The following SPAG16 variants were observed in gnomAD, a reference collection of about 807,000 sequenced individuals.
The protein encoded by SPAG16 is sperm-associated antigen 16 protein.
Under a neutral mutation model 80.4 loss-of-function variants are expected in SPAG16, and 86 were observed. The observed-to-expected ratio is 1.07, with a 90% CI of 0.90 to 1.28. The LOEUF (loss-of-function observed/expected upper bound fraction) is 1.28. Ranked by LOEUF, SPAG16 falls within the 50% of genes most tolerant of loss-of-function variation. The pLI, the probability that SPAG16 is intolerant of heterozygous loss-of-function variation, is 0.00. For missense variants in SPAG16, 870 were observed against 765.3 expected (o/e 1.14, Z -1.61); for synonymous variants, 294 against 265.9 (o/e 1.11, Z -1.03).
intron 10 of SPAG16, among the ~76,000 whole-genome samples, chr2:213,820,920 T>C (rs1017075695): frequency 4.6e-5 from 7 of 152,136 alleles, no homozygotes; most frequent in African/African-American, 7.2e-5. Context: ...AGTTTGCCCA[T>C]TGGGCAAGGA....
At chr2:214,031,501 C>T (rs1173972417) in intron 13 of SPAG16, among the ~76,000 whole-genome samples, 19 of 136,790 alleles carry the variant, frequency 1.4e-4, no homozygotes, top group East Asian at 2.2e-4. Context: ...TGCTAAATGA[C>T]GAGTTAATGG....
rs536930266 is a variant in SPAG16 at position 214,170,053 on chromosome 2, A to G, written c.1720+20787A>G. On this transcript the variant is annotated intron_variant, in intron 15 of 15. Coordinates refer to ENST00000331683, the MANE Select transcript of SPAG16 (RefSeq NM_024532.5). ...CAGATGAAGCCATATAAATAATATA[A>G]ATTTTATACCACTTGACTCCACATG... is the stretch of plus-strand genomic sequence containing the variant. Among the ~76,000 whole-genome samples, 6 of 152,070 alleles carry G rather than the reference A, an allele frequency of 3.9e-5. No homozygotes were observed. The East Asian group carries it at 1.2e-3, about 29-fold the overall frequency.
chr2:213,588,422 G>GAAAACACT (rs759282563), intron 10 of SPAG16, among the ~76,000 whole-genome samples: 21 of 151,034 alleles, frequency 1.4e-4, no homozygotes, highest in Non-Finnish European at 2.4e-4. Flanking sequence ...TATTTTTAAG[G>GAAAACACT]AAAACACTAA....
chr2:213,319,082 G>A (rs997065276), intron 5 of SPAG16, among the ~76,000 whole-genome samples: 3 of 152,064 alleles, frequency 2.0e-5, no homozygotes, highest in Non-Finnish European at 4.4e-5. Flanking sequence ...CTGCTTATCT[G>A]AGGCAATGTT....
intron 7 of SPAG16, among the ~76,000 whole-genome samples, chr2:213,359,638 G>C (rs916746617): frequency 3.3e-5 from 5 of 152,232 alleles, no homozygotes; most frequent in African/African-American, 1.2e-4. Flanking sequence ...GAAAAGTGCA[G>C]TATTTGGACA....
intron 10 of SPAG16, among the ~76,000 whole-genome samples, chr2:213,560,304 T>C (rs891582720): frequency 4.3e-4 from 66 of 152,214 alleles, no homozygotes; most frequent in African/African-American, 1.5e-3. Context: ...CTAGAAACTA[T>C]GTTTAGAAAG....
chr2:213,859,468 TAC>T (rs1205138167), intron 10 of SPAG16, among the ~76,000 whole-genome samples: 1 of 152,142 alleles, frequency 6.6e-6, no homozygotes, highest in Non-Finnish European at 1.5e-5. Context: ...TCTGATACAA[TAC>T]ACTGGCAATT....
At chr2:213,430,459 A>AT (rs1399687229) in intron 9 of SPAG16, among the ~76,000 whole-genome samples, 4 of 151,946 alleles carry the variant, frequency 2.6e-5, no homozygotes, top group East Asian at 3.9e-4. Flanking sequence ...ACATTATGAG[A>AT]TTTTTTTTCA....
At chr2:214,211,862 C>G (rs1418002191) in intron 15 of SPAG16, among the ~76,000 whole-genome samples, 1 of 152,056 alleles carries the variant, frequency 6.6e-6, no homozygotes, top group Non-Finnish European at 1.5e-5. Flanking sequence ...TCCTTATACC[C>G]TACATTCCAC....
At chr2:213,772,541 G>A (rs949588932) in intron 10 of SPAG16, among the ~76,000 whole-genome samples, 6 of 151,990 alleles carry the variant, frequency 3.9e-5, no homozygotes, top group Non-Finnish European at 8.8e-5. Flanking sequence ...AATTGCTGTA[G>A]TACTCTTGCG....
chr2:213,527,828 G>A (rs1404032765), intron 10 of SPAG16, among the ~76,000 whole-genome samples: 2 of 152,190 alleles, frequency 1.3e-5, no homozygotes, highest in South Asian at 2.1e-4. Flanking sequence ...GGTGCCAAGT[G>A]CACACCCATC....
chr2:213,567,106 T>G (rs1054415426), intron 10 of SPAG16, among the ~76,000 whole-genome samples: 1 of 150,936 alleles, frequency 6.6e-6, no homozygotes, highest in Non-Finnish European at 1.5e-5. Flanking sequence ...AGAAATATAA[T>G]AGAGTGACCA....
chr2:213,910,448 G>A (rs936534388), intron 11 of SPAG16, among the ~76,000 whole-genome samples: 8 of 151,418 alleles, frequency 5.3e-5, no homozygotes, highest in Non-Finnish European at 1.2e-4. Flanking sequence ...TCCCAAATTT[G>A]AAAGGTGGAA....
At chr2:213,998,244 C>T (rs1195326386) in intron 12 of SPAG16, among the ~76,000 whole-genome samples, 7 of 152,178 alleles carry the variant, frequency 4.6e-5, no homozygotes, top group African/African-American at 1.7e-4. Flanking sequence ...CTTTGTGTCC[C>T]CACCCAAATC....
At chr2:214,255,863 A>G (rs67576718) in intron 15 of SPAG16, among the ~76,000 whole-genome samples, 34,581 of 151,802 alleles carry the variant, frequency 0.23, 4,095 homozygotes, top group East Asian at 0.34. Flanking sequence ...GAATTACGCT[A>G]TTAATGTGGG....
intron 15 of SPAG16, among the ~76,000 whole-genome samples, chr2:214,352,558 C>CTGTGTGTG (rs761835945): frequency 2.1e-5 from 3 of 142,546 alleles, no homozygotes; most frequent in East Asian, 2.1e-4. Context: ...CTTTTTTTCT[C>CTGTGTGTG]TGTGTGTGTG....
At chr2:213,669,734 C>T (rs1421394546) in intron 10 of SPAG16, among the ~76,000 whole-genome samples, 1 of 152,152 alleles carries the variant, frequency 6.6e-6, no homozygotes, top group African/African-American at 2.4e-5. Context: ...AACTGAATTT[C>T]TTAACTCTAG....
At chr2:213,697,509 A>G (rs1425042766) in intron 10 of SPAG16, among the ~76,000 whole-genome samples, 1 of 152,222 alleles carries the variant, frequency 6.6e-6, no homozygotes, top group Non-Finnish European at 1.5e-5. Flanking sequence ...CAGATGTGAA[A>G]AAATTGAAGA....
chr2:213,836,185 C>CG (rs1244392338), intron 10 of SPAG16, among the ~76,000 whole-genome samples: 1 of 145,476 alleles, frequency 6.9e-6, no homozygotes, highest in Non-Finnish European at 1.5e-5. Context: ...CGCCCCCCCC[C>CG]CCATTTCCTA....
Sources: allele counts gnomAD v4.1 joint callset (sites outside exome capture counted in the v4.1 genomes callset), GRCh38; gene constraint gnomAD v4.1.1; transcripts MANE v1.5; gene names NCBI Gene and HGNC (gene_info 2026-07-23, HGNC 2026-07-21).